ZBTB40: variants seen among roughly 807,000 people sequenced by gnomAD.
ZBTB40 encodes zinc finger and BTB domain containing 40.
In ZBTB40, 60 loss-of-function variants were observed where a neutral mutation model predicts 117.5. The observed-to-expected ratio is 0.51, with a 90% CI of 0.41 to 0.63. ZBTB40 has a LOEUF of 0.63. Among genes scored for constraint, ZBTB40 ranks in the 30% least tolerant of loss-of-function variants. The pLI is 0.00. For missense variants in ZBTB40, 1,287 were observed against 1,498.5 expected, an observed-to-expected ratio of 0.86 and a Z score of 2.33; for synonymous variants, 525 against 577.1, an observed-to-expected ratio of 0.91 and a Z score of 1.29.
Position 22,462,848 on chromosome 1 carries a change from G to A in ZBTB40, c.-70+10844G>A, listed in dbSNP as rs116023233. 5.3e-3 allele frequency among the ~76,000 whole-genome samples: 803 copies of A among 152,266 alleles called. 4 individuals carry two copies. The highest frequency in any genetic ancestry group is 0.019 in the African/African-American group (774 of 41,534). ...TGAAATGAGCAATGCAGTTGTCTATGAATTCTTTTCTTTTAAAAAAATTAT... is the reference window on the plus strand; with the variant it reads ...TGAAATGAGCAATGCAGTTGTCTATAAATTCTTTTCTTTTAAAAAAATTAT... On this transcript the variant is annotated intron_variant, in intron 1 of 17. Transcript: ENST00000375647.
chr1:22,484,403 G>T (rs1638409430), intron 1 of ZBTB40, among the ~76,000 whole-genome samples: 1 of 151,906 alleles, frequency 6.6e-6, no homozygotes, highest in Admixed American at 6.6e-5. Context: ...TCTCTTTTTG[G>T]GGTGCTAGTG....
intron 1 of ZBTB40, among the ~76,000 whole-genome samples, chr1:22,430,430 A>G (rs1434736947): frequency 2.0e-5 from 3 of 152,136 alleles, no homozygotes; most frequent in African/African-American, 7.2e-5. Flanking sequence ...CTTTACAACA[A>G]ATTTTTAAAA....
At chr1:22,483,595 G>GGT (rs1357822596) in intron 1 of ZBTB40, among the ~76,000 whole-genome samples, 1 of 152,078 alleles carries the variant, frequency 6.6e-6, no homozygotes, top group African/African-American at 2.4e-5. Context: ...TCTTTGATGA[G>GGT]GTGTCTGTTC....
chr1:22,525,988 T>C (rs982972452), intron 17 of ZBTB40, among the ~76,000 whole-genome samples: 1 of 152,232 alleles, frequency 6.6e-6, no homozygotes, highest in African/African-American at 2.4e-5. Context: ...AGCAAAATTA[T>C]AGCAATTTAG....
intron 14 of ZBTB40, 58 bp from the exon 15 acceptor site, chr1:22,521,438 T>C: frequency 6.2e-7 from 1 of 1,600,060 alleles, no homozygotes. Flanking sequence ...GAGAGCCTCG[T>C]GAGCTCTCCA....
At chr1:22,467,079 A>T (rs924857011) in intron 1 of ZBTB40, among the ~76,000 whole-genome samples, 1 of 152,142 alleles carries the variant, frequency 6.6e-6, no homozygotes. Flanking sequence ...TTAACCATTA[A>T]TACTATTGCT....
At chr1:22,468,381 T>C (rs1293017594) in intron 1 of ZBTB40, among the ~76,000 whole-genome samples, 1 of 151,822 alleles carries the variant, frequency 6.6e-6, no homozygotes, top group East Asian at 1.9e-4. Context: ...TTCACCAGGC[T>C]GAATTTTTAA....
At chr1:22,447,912 G>C (rs16827143), upstream of ZBTB40, among the ~76,000 whole-genome samples, 509 of 152,354 alleles carry the variant, frequency 3.3e-3, 3 homozygotes, top group African/African-American at 0.012. Flanking sequence ...CCAGGAAAGT[G>C]AATGCCAAGG....
intron 1 of ZBTB40, among the ~76,000 whole-genome samples, chr1:22,442,054 A>T (rs1640739811): frequency 1.3e-5 from 2 of 152,100 alleles, no homozygotes; most frequent in African/African-American, 4.8e-5. Flanking sequence ...GCGTTGTTTA[A>T]TCTCCACAAA....
At position 22,511,988 on chromosome 1, in the gene ZBTB40, G is replaced by T. The variant is rs774596888; in HGVS notation, c.2315G>T (p.Ser772Ile). The change falls in exon 11 of 18, where the codon AGT (serine) becomes ATT (isoleucine). Residue 772 changes from serine to isoleucine, a missense_variant. Ser to Ile is a moderately radical substitution (Grantham distance 142, BLOSUM62 -2). This residue lies in a region of ZBTB40 where 870 missense variants were observed against 934.4 expected (regional missense o/e 0.93). Coordinates refer to ENST00000375647, the MANE Select transcript of ZBTB40 (RefSeq NM_014870.4). ...KSKQVQCKEC[S>I]ETKDSKKELD... The stretch of plus-strand genomic sequence containing the variant: ...AAACAGGTGCAGTGTAAGGAGTGCA[G>T]TGAGACCAAGGATTCAAAGAAAGAG... 5.0e-6 allele frequency: 8 copies of T among 1,614,202 alleles called. No homozygotes were observed. The East Asian group carries it at 6.7e-5, about 13-fold the overall frequency.
intron 1 of ZBTB40, among the ~76,000 whole-genome samples, chr1:22,468,134 CT>C (rs1248556300): frequency 6.6e-6 from 1 of 151,356 alleles, no homozygotes; most frequent in African/African-American, 2.4e-5. Flanking sequence ...TGAGCATTTA[CT>C]GTTGACAGTC....
chr1:22,513,206 A>G lies in ZBTB40; in HGVS notation c.2668+76A>G. The G allele has an allele frequency of 6.6e-7, 1 of 1,505,536 alleles. No homozygotes were observed. Among genetic ancestry groups the G allele is most frequent in the South Asian group, 1.2e-5 (1 of 83,848 alleles). The allele number at this position is 1,505,536 out of a possible 1,614,324, so 93.3% of individuals were successfully genotyped here. A position where few individuals can be genotyped will look rare whatever the true frequency, so the allele number is the denominator to read the frequency against. On this transcript the variant is annotated intron_variant, in intron 12 of 17. Transcript: ENST00000375647. This position sits in a 1 kb window ranked among gnomAD's most constrained non-coding sequence, Gnocchi z 4.9. ...CTAAACCCCATTTGGATTAGGTGTG[A>G]TATATATCTCAAAAACAAAACAATT...
At chr1:22,524,530 A>C (rs1205676142) in intron 17 of ZBTB40, 86 bp downstream of exon 17, 1 of 1,406,446 alleles carries the variant, frequency 7.1e-7, no homozygotes, top group Non-Finnish European at 9.8e-7. Context: ...TAGTACCCAG[A>C]GATACTCTTT....
intron 1 of ZBTB40, 112 bp from the exon 2 acceptor site, chr1:22,489,768 A>G: frequency 3.0e-6 from 2 of 670,980 alleles, no homozygotes; most frequent in South Asian, 1.6e-5. Context: ...CTATTAAGCA[A>G]TATTTGTTGG....
intron 1 of ZBTB40, among the ~76,000 whole-genome samples, chr1:22,463,762 G>C (rs1052706767): frequency 2.0e-5 from 3 of 152,194 alleles, no homozygotes; most frequent in Non-Finnish European, 4.4e-5. Context: ...TTGTTTCTAT[G>C]AATTAGTCAG....
chr1:22,450,005 G>A (rs552019593), upstream of ZBTB40, among the ~76,000 whole-genome samples: 15 of 151,188 alleles, frequency 9.9e-5, no homozygotes, highest in South Asian at 1.3e-3. Flanking sequence ...GTGCAGTGGC[G>A]TGATCTCAGC....
chr1:22,521,062 C>T (rs1639510926), intron 14 of ZBTB40, among the ~76,000 whole-genome samples: 2 of 152,372 alleles, frequency 1.3e-5, no homozygotes, highest in South Asian at 4.1e-4. Context: ...TCGGCTGTGC[C>T]CCAGCTCCCT....
rs1295856980 is a variant in ZBTB40 at position 22,530,772 on chromosome 1, A to G, written c.*4376A>G. 3 of 152,280 alleles carry G rather than the reference A, an allele frequency of 2.0e-5. No homozygotes were observed. Among genetic ancestry groups the G allele is most frequent in the African/African-American group, 7.2e-5 (3 of 41,424 alleles). 9.4% of individuals were successfully genotyped at this position (152,280 alleles called of 1,614,324 possible). A position where few individuals can be genotyped will look rare whatever the true frequency, so the allele number is the denominator to read the frequency against. On this transcript the variant is annotated 3_prime_UTR_variant, in exon 18 of 18. Coordinates refer to ENST00000375647, the MANE Select transcript of ZBTB40 (RefSeq NM_014870.4). ...GGTTCTGGGCCAGTGTCAGACGGGG[A>G]CAGGGGTGATAGGCCTGGTGTCCTA... is the stretch of plus-strand genomic sequence containing the variant.
chr1:22,468,070 C>T (rs1641301017), intron 1 of ZBTB40, among the ~76,000 whole-genome samples: 1 of 145,598 alleles, frequency 6.9e-6, no homozygotes, highest in African/African-American at 2.6e-5. Flanking sequence ...GCCTGAGTGA[C>T]AGAGCAAGAC....
Sources: gnomAD v4.1 joint callset for allele counts (sites outside exome capture counted in the v4.1 genomes callset) on GRCh38, gnomAD v4.1.1 for gene constraint, gnomAD v4.1.1 regional missense constraint, Gnocchi (gnomAD v3.1) non-coding constraint, MANE v1.5 for transcripts, NCBI Gene and HGNC (gene_info 2026-07-23, HGNC 2026-07-21) for gene names.